DENND5B: variants seen among roughly 807,000 people sequenced by gnomAD.
DENND5B encodes DENN domain-containing protein 5B.
Under a neutral mutation model 140.6 loss-of-function variants are expected in DENND5B, and 34 were observed. That is an observed-to-expected ratio of 0.24 (90% CI 0.18 to 0.32). The LOEUF (loss-of-function observed/expected upper bound fraction) is 0.32, where lower values mean the gene tolerates loss of function less well. Ranked by LOEUF, DENND5B falls within the 10% of genes least tolerant of loss-of-function variation. DENND5B has a pLI of 1.00. For synonymous variants in DENND5B, 551 were observed against 562.1 expected (o/e 0.98, Z 0.28); for missense variants, 1,142 against 1,560.2 (o/e 0.73, Z 4.52).
Position 31,530,973 on chromosome 12 carries a change from A to C in DENND5B, c.128-35054T>G, listed in dbSNP as rs191697355. Among the ~76,000 whole-genome samples the C allele has an allele frequency of 8.3e-4, 127 of 152,334 alleles. 1 individual carries two copies. The highest frequency in any genetic ancestry group is 1.5e-4 in the Non-Finnish European group (10 of 68,030). On this transcript the variant is annotated intron_variant, in intron 1 of 20. Transcript: ENST00000389082. ...ATAATAAGAATAGGTAAAATTGAGA[A>C]AGGTCCGAAACACAAAAGGGAAGCA...
At chr12:31,567,984 G>A (rs1014117561) in intron 1 of DENND5B, among the ~76,000 whole-genome samples, 2 of 152,146 alleles carry the variant, frequency 1.3e-5, no homozygotes, top group African/African-American at 4.8e-5. Context: ...GATTACAGAT[G>A]TGAGCCACCA....
intron 8 of DENND5B, among the ~76,000 whole-genome samples, chr12:31,427,095 T>G (rs1943272861): frequency 6.6e-6 from 1 of 152,198 alleles, no homozygotes; most frequent in African/African-American, 2.4e-5. Context: ...GTGGCCTCTT[T>G]CTGTGATGTT....
At chr12:31,432,087 G>A (rs934530610) in intron 8 of DENND5B, 3 of 985,136 alleles carry the variant, frequency 3.0e-6, no homozygotes, top group Non-Finnish European at 3.6e-6. Context: ...CGTGCAGGAG[G>A]AGGTGGACCC....
intron 1 of DENND5B, among the ~76,000 whole-genome samples, chr12:31,539,061 C>G (rs895065258): frequency 1.3e-5 from 2 of 150,062 alleles, no homozygotes; most frequent in African/African-American, 4.9e-5. Context: ...AAACATTCAA[C>G]TGATACCACA....
At chr12:31,451,908 A>G (rs745636050) in intron 5 of DENND5B, 32 bp downstream of exon 5, 85 of 1,608,542 alleles carry the variant, frequency 5.3e-5, no homozygotes, top group Middle Eastern at 1.6e-4. Flanking sequence ...AGCCACTAAT[A>G]ACCACAAAAG....
chr12:31,432,951 A>AT, intron 8 of DENND5B: 2 of 512,846 alleles, frequency 3.9e-6, no homozygotes, highest in Non-Finnish European at 6.8e-6. Context: ...TTAGAGCCTT[A>AT]TTATAGATGT....
chr12:31,538,332 G>A (rs1429054039), intron 1 of DENND5B, among the ~76,000 whole-genome samples: 2 of 151,926 alleles, frequency 1.3e-5, no homozygotes, highest in African/African-American at 4.8e-5. Flanking sequence ...GACCACAATA[G>A]AATAAAACTA....
intron 13 of DENND5B, among the ~76,000 whole-genome samples, chr12:31,409,602 A>G (rs576140808): frequency 6.7e-6 from 1 of 149,844 alleles, no homozygotes; most frequent in Non-Finnish European, 1.5e-5. Context: ...CCTCAGCCTC[A>G]TGAGTAGCTG....
At chr12:31,572,202 C>G (rs1033295615) in intron 1 of DENND5B, among the ~76,000 whole-genome samples, 6 of 149,626 alleles carry the variant, frequency 4.0e-5, no homozygotes, top group African/African-American at 1.5e-4. Context: ...CCAGCCTGGG[C>G]AACAAGAGCG....
At chr12:31,473,685 A>G (rs546283288) in intron 3 of DENND5B, among the ~76,000 whole-genome samples, 4 of 152,324 alleles carry the variant, frequency 2.6e-5, no homozygotes, top group South Asian at 2.1e-4. Context: ...ATATTGATTT[A>G]AAGTGCCCCT....
chr12:31,564,271 T>C (rs910770454), intron 1 of DENND5B, among the ~76,000 whole-genome samples: 5 of 152,166 alleles, frequency 3.3e-5, no homozygotes, highest in Middle Eastern at 3.2e-3. Flanking sequence ...AACTTTACCT[T>C]GAGTATCTAC....
At chr12:31,498,695 G>A (rs150699088) in intron 1 of DENND5B, among the ~76,000 whole-genome samples, 7 of 152,106 alleles carry the variant, frequency 4.6e-5, no homozygotes, top group East Asian at 1.9e-4. Flanking sequence ...GAAATGGGCC[G>A]GGCACTGTGG....
intron 3 of DENND5B, among the ~76,000 whole-genome samples, chr12:31,460,844 G>A (rs10771837): frequency 0.41 from 62,716 of 151,836 alleles, 13,430 homozygotes; most frequent in East Asian, 0.57. Flanking sequence ...TCCTGCCTCA[G>A]CCTCCCAAGT....
intron 1 of DENND5B, among the ~76,000 whole-genome samples, chr12:31,528,919 T>G (rs1948180573): frequency 6.6e-6 from 1 of 151,798 alleles, no homozygotes; most frequent in South Asian, 2.1e-4. Context: ...CCCAGCACTT[T>G]GGGAGGCCGA....
intron 2 of DENND5B, among the ~76,000 whole-genome samples, chr12:31,490,186 T>C (rs1946470636): frequency 6.6e-6 from 1 of 151,758 alleles, no homozygotes; most frequent in African/African-American, 2.4e-5. Context: ...TTTGGATATG[T>C]TGCATTTGAG....
In DENND5B at chr12:31,480,268, G is replaced by GA. The variant is rs369184034; in HGVS notation, c.238-14dup. The GA allele has an allele frequency of 0.026, 24,992 of 964,662 alleles. 135 individuals are homozygous for GA. The highest frequency in any genetic ancestry group is 0.093 in the African/African-American group (5,360 of 57,446). 59.8% of individuals were successfully genotyped at this position (964,662 alleles called of 1,614,324 possible). On this transcript the variant is annotated splice_polypyrimidine_tract_variant and intron_variant, in intron 2 of 20. Transcript: ENST00000389082. ...TAGGCATGCACAACTGTGAAAGAAAGAAAAAAAAAAATCAGAATGCAGTAC... is the reference window on the plus strand; with the variant it reads ...TAGGCATGCACAACTGTGAAAGAAAGAAAAAAAAAAAATCAGAATGCAGTAC...
At chr12:31,578,408 A>G (rs1810420654) in intron 1 of DENND5B, among the ~76,000 whole-genome samples, 2 of 152,246 alleles carry the variant, frequency 1.3e-5, no homozygotes, top group South Asian at 4.1e-4. Flanking sequence ...CTACTTCTGC[A>G]GTGATATTCC....
At chr12:31,553,232 G>A (rs954646186) in intron 1 of DENND5B, among the ~76,000 whole-genome samples, 4 of 152,108 alleles carry the variant, frequency 2.6e-5, no homozygotes, top group Non-Finnish European at 4.4e-5. Context: ...ACACTGCTTT[G>A]AATGTGTCCC....
intron 1 of DENND5B, among the ~76,000 whole-genome samples, chr12:31,550,678 A>C (rs893913194): frequency 2.0e-5 from 3 of 152,124 alleles, no homozygotes; most frequent in East Asian, 1.9e-4. Context: ...TACAGTCCCA[A>C]GAACAGTGTA....
Sources: allele counts gnomAD v4.1 joint callset (sites outside exome capture counted in the v4.1 genomes callset), GRCh38; gene constraint gnomAD v4.1.1; transcripts MANE v1.5; gene names NCBI Gene and HGNC (gene_info 2026-07-23, HGNC 2026-07-21).